Variants in SAMTOR observed in about 807,000 individuals in gnomAD.
SAMTOR encodes UPF0532 protein C7orf60.
At chr7:112,831,012 G>T in the SAMTOR span, among the ~76,000 whole-genome samples, 3 of 151,544 alleles carry the variant, frequency 2.0e-5, no homozygotes, top group Non-Finnish European at 2.9e-5. Flanking sequence ...ACCTAGGCTG[G>T]AAACATGATT....
At chr7:112,824,340 T>C in the SAMTOR span, among the ~76,000 whole-genome samples, 8 of 152,088 alleles carry the variant, frequency 5.3e-5, no homozygotes, top group Admixed American at 2.0e-4. Flanking sequence ...CTATGATACA[T>C]TTTGAGTTTT....
the SAMTOR span, among the ~76,000 whole-genome samples, chr7:112,899,910 C>T: frequency 1.3e-5 from 2 of 151,896 alleles, no homozygotes; most frequent in African/African-American, 4.8e-5. Context: ...ACCAGACCTA[C>T]CTTACCAGAA....
chr7:112,855,901 G>A, the SAMTOR span, among the ~76,000 whole-genome samples: 1 of 150,840 alleles, frequency 6.6e-6, no homozygotes, highest in East Asian at 1.9e-4. Context: ...CCATGCTTGG[G>A]GGAGATTAAA....
chr7:112,872,671 A>G, the SAMTOR span, among the ~76,000 whole-genome samples: 2 of 152,272 alleles, frequency 1.3e-5, no homozygotes, highest in African/African-American at 4.8e-5. Flanking sequence ...CCAAATAGGA[A>G]GAGAGGAAGT....
At chr7:112,875,045 C>T in the SAMTOR span, among the ~76,000 whole-genome samples, 2 of 152,104 alleles carry the variant, frequency 1.3e-5, no homozygotes, top group African/African-American at 4.8e-5. Context: ...TGATCCAATC[C>T]GATTGAGGTC....
the SAMTOR span, among the ~76,000 whole-genome samples, chr7:112,892,587 A>G: frequency 6.6e-6 from 1 of 152,016 alleles, no homozygotes; most frequent in African/African-American, 2.4e-5. Context: ...TGGGCAATAT[A>G]GGGAGATTCT....
chr7:112,928,203 G>A, the SAMTOR span, among the ~76,000 whole-genome samples: 2 of 152,098 alleles, frequency 1.3e-5, no homozygotes, highest in African/African-American at 4.8e-5. Flanking sequence ...ATCCAGAAGC[G>A]CAGCTCTAAA....
chr7:112,832,563 C>T, the SAMTOR span: 2 of 1,567,804 alleles, frequency 1.3e-6, no homozygotes, highest in African/African-American at 2.7e-5. Context: ...ATGCATACCT[C>T]TACAGCAGGT....
chr7:112,839,612 A>C, the SAMTOR span, among the ~76,000 whole-genome samples: 1 of 151,808 alleles, frequency 6.6e-6, no homozygotes, highest in African/African-American at 2.4e-5. Context: ...TAATGTAATC[A>C]CAGGGAGTTT....
chr7:112,824,607 C>T, the SAMTOR span, among the ~76,000 whole-genome samples: 1 of 152,104 alleles, frequency 6.6e-6, no homozygotes, highest in Non-Finnish European at 1.5e-5. Context: ...GTGATCCGCC[C>T]ACCTTGGCCT....
chr7:112,854,373 G>T, the SAMTOR span, among the ~76,000 whole-genome samples: 1 of 152,126 alleles, frequency 6.6e-6, no homozygotes, highest in East Asian at 1.9e-4. Context: ...ATTGCAAGAG[G>T]TAAGTGTGGT....
chr7:112,890,279 G>T, the SAMTOR span, among the ~76,000 whole-genome samples: 197 of 152,116 alleles, frequency 1.3e-3, no homozygotes, highest in Middle Eastern at 0.017. Flanking sequence ...GTGTTTGAGC[G>T]CAACCTCTAA....
the SAMTOR span, among the ~76,000 whole-genome samples, chr7:112,827,993 A>G: frequency 6.6e-6 from 1 of 152,216 alleles, no homozygotes; most frequent in East Asian, 1.9e-4. Flanking sequence ...GGGATATTAC[A>G]GGTGTAAGCC....
chr7:112,906,302 T>C, the SAMTOR span, among the ~76,000 whole-genome samples: 3 of 152,170 alleles, frequency 2.0e-5, no homozygotes, highest in Non-Finnish European at 4.4e-5. Flanking sequence ...AGAAAAGGTA[T>C]AGTAAAAGTA....
At chr7:112,858,578 C>A in the SAMTOR span, among the ~76,000 whole-genome samples, 4 of 151,922 alleles carry the variant, frequency 2.6e-5, no homozygotes, top group East Asian at 5.8e-4. Context: ...ATCCTTTTTC[C>A]AGTTAGCAAA....
the SAMTOR span, chr7:112,895,691 C>A: frequency 6.3e-7 from 1 of 1,578,740 alleles, no homozygotes; most frequent in Non-Finnish European, 8.7e-7. Flanking sequence ...TTTCATCTTT[C>A]TCAAGTGCTT....
chr7:112,914,488 G>A, the SAMTOR span, among the ~76,000 whole-genome samples: 176 of 151,846 alleles, frequency 1.2e-3, 1 homozygote, highest in African/African-American at 4.2e-3. Context: ...ACTAGTATAA[G>A]CATTATTTCA....
the SAMTOR span, among the ~76,000 whole-genome samples, chr7:112,915,067 C>T: frequency 1.7e-3 from 263 of 151,884 alleles, 3 homozygotes; most frequent in East Asian, 0.046. Context: ...GGTGAAACCC[C>T]ATCTCTACTA....
the SAMTOR span, among the ~76,000 whole-genome samples, chr7:112,928,577 T>C: frequency 6.6e-6 from 1 of 151,960 alleles, no homozygotes; most frequent in Non-Finnish European, 1.5e-5. Context: ...GGACAAAATA[T>C]TTAAATTTTC....
Sources: allele counts gnomAD v4.1 joint callset (sites outside exome capture counted in the v4.1 genomes callset), GRCh38; gene constraint gnomAD v4.1.1; transcripts MANE v1.5; gene names NCBI Gene and HGNC (gene_info 2026-07-23, HGNC 2026-07-21).